The following ANO10 variants were observed in gnomAD, a reference collection of about 807,000 sequenced individuals.
ANO10 encodes anoctamin-10.
In ANO10, 77 loss-of-function variants were observed where a neutral mutation model predicts 74.7. The ratio of observed to expected loss-of-function variants is 1.03; its 90% CI spans 0.86 to 1.25. The LOEUF (loss-of-function observed/expected upper bound fraction) is 1.25. Ranked by LOEUF, ANO10 falls within the 50% of genes most tolerant of loss-of-function variation. The pLI, the probability that ANO10 is intolerant of heterozygous loss-of-function variation, is 0.00. For synonymous variants in ANO10, 279 were observed against 284.9 expected, an observed-to-expected ratio of 0.98 and a Z score of 0.21; for missense variants, 721 against 778.1, an observed-to-expected ratio of 0.93 and a Z score of 0.87.
At chr3:43,470,626 T>TTATG (rs199927611) in intron 11 of ANO10, among the ~76,000 whole-genome samples, 2 of 135,868 alleles carry the variant, frequency 1.5e-5, no homozygotes, top group African/African-American at 5.3e-5. Flanking sequence ...ATTTATTTAT[T>TTATG]TATGTATTTA....
chr3:43,516,895 G>T (rs1390022001), intron 11 of ANO10, among the ~76,000 whole-genome samples: 1 of 152,194 alleles, frequency 6.6e-6, no homozygotes, highest in Non-Finnish European at 1.5e-5. Context: ...TAGGGCTCCA[G>T]GGAGGTGACA....
chr3:43,527,505 A>T (rs1294508296), intron 11 of ANO10, among the ~76,000 whole-genome samples: 5 of 152,190 alleles, frequency 3.3e-5, no homozygotes, highest in Non-Finnish European at 7.4e-5. Flanking sequence ...CTCATAGGAC[A>T]ATGGAGCCGT....
At chr3:43,621,271 T>G (rs2083379152) in intron 1 of ANO10, among the ~76,000 whole-genome samples, 1 of 152,144 alleles carries the variant, frequency 6.6e-6, no homozygotes, top group African/African-American at 2.4e-5. Flanking sequence ...CCCCATTCCA[T>G]CCACGTTTCT....
At chr3:43,413,817 C>T (rs1409265652) in intron 12 of ANO10, among the ~76,000 whole-genome samples, 3 of 151,622 alleles carry the variant, frequency 2.0e-5, no homozygotes, top group Admixed American at 6.6e-5. Context: ...TCTATTTTCA[C>T]CTTGCCTGCT....
At position 43,494,772 on chromosome 3, in the gene ANO10, A is replaced by G. The variant is rs575894345; in HGVS notation, c.1797+54948T>C. 3.9e-5 allele frequency among the ~76,000 whole-genome samples: 6 copies of G among 152,304 alleles called. No individual in the cohort carries two copies. In the South Asian group the frequency reaches 1.2e-3, roughly 32 times the overall value. On this transcript the variant is annotated intron_variant, in intron 11 of 12. Transcript: ENST00000292246. ...TAAAAAATTTTATTGAAGGATATGT[A>G]ATAAGTCATTGACAGAGACAGTGAA...
chr3:43,681,844 A>C (rs1274138078), intron 1 of ANO10, among the ~76,000 whole-genome samples: 3 of 152,244 alleles, frequency 2.0e-5, no homozygotes, highest in Non-Finnish European at 2.9e-5. Context: ...GTACATAACG[A>C]AATGAAGGCA....
At chr3:43,591,068 G>A (rs1002583501) in intron 4 of ANO10, among the ~76,000 whole-genome samples, 6 of 152,140 alleles carry the variant, frequency 3.9e-5, no homozygotes, top group Non-Finnish European at 5.9e-5. Flanking sequence ...AGCAGGGAGC[G>A]GCAACCCCCT....
intron 12 of ANO10, among the ~76,000 whole-genome samples, chr3:43,393,953 C>T (rs1234509527): frequency 6.6e-6 from 1 of 152,100 alleles, no homozygotes; most frequent in Admixed American, 6.5e-5. Context: ...AATTTTTCTG[C>T]CCTATACATA....
chr3:43,610,238 T>C (rs1184287155), intron 1 of ANO10, among the ~76,000 whole-genome samples: 1 of 152,228 alleles, frequency 6.6e-6, no homozygotes, highest in African/African-American at 2.4e-5. Flanking sequence ...CCACGTCTTG[T>C]CTCACAGAAA....
At position 43,577,071 on chromosome 3, in the gene ANO10, C is replaced by A; in HGVS notation, c.783G>T (p.Trp261Cys). ...AGGTCATGTTGGCACAGCCACGCTT[C>A]CACAGTTCCAGAATCACCGTGGACC... ...LIWSTVILEL[W>C]KRGCANMTYR... The change falls in exon 6 of 13, where the codon TGG (tryptophan) becomes TGT (cysteine). Residue 261 changes from tryptophan (W) to cysteine (C), a missense_variant. By Grantham distance (215) the Trp-to-Cys change is radical (BLOSUM62 -2). Transcript: ENST00000292246. The A allele has an allele frequency of 6.2e-7, 1 of 1,614,228 alleles. No individual in the cohort carries two copies.
At chr3:43,450,358 T>C (rs954053557) in intron 11 of ANO10, among the ~76,000 whole-genome samples, 4 of 151,872 alleles carry the variant, frequency 2.6e-5, no homozygotes, top group East Asian at 1.9e-4. Flanking sequence ...CTGGGCAACA[T>C]AGTGAGACCC....
chr3:43,635,619 T>C (rs1033380918), intron 1 of ANO10, among the ~76,000 whole-genome samples: 4 of 151,604 alleles, frequency 2.6e-5, no homozygotes, highest in Admixed American at 1.3e-4. Flanking sequence ...TAAGCTCTGA[T>C]CTTTTTTTTT....
chr3:43,472,184 GA>G (rs1559582786), intron 11 of ANO10, among the ~76,000 whole-genome samples: 1 of 152,162 alleles, frequency 6.6e-6, no homozygotes, highest in African/African-American at 2.4e-5. Flanking sequence ...GATACTCTGA[GA>G]AAGGCAAAAC....
At chr3:43,553,673 T>G (rs936653714) in intron 10 of ANO10, among the ~76,000 whole-genome samples, 55 of 152,012 alleles carry the variant, frequency 3.6e-4, no homozygotes, top group African/African-American at 1.3e-3. Flanking sequence ...GTAGCTGGGA[T>G]TATAAGTGCC....
At chr3:43,602,339 A>AT in intron 2 of ANO10, among the ~76,000 whole-genome samples, 1 of 152,022 alleles carries the variant, frequency 6.6e-6, no homozygotes, top group Non-Finnish European at 1.5e-5. Flanking sequence ...TTATTAATTA[A>AT]TTAATTTATT....
intron 4 of ANO10, among the ~76,000 whole-genome samples, chr3:43,589,298 T>A: frequency 6.6e-6 from 1 of 152,168 alleles, no homozygotes; most frequent in Non-Finnish European, 1.5e-5. Flanking sequence ...CTTAATAAAG[T>A]AGAAGAAATG....
At chr3:43,650,122 C>A (rs552219832) in intron 1 of ANO10, among the ~76,000 whole-genome samples, 29 of 152,304 alleles carry the variant, frequency 1.9e-4, no homozygotes, top group Admixed American at 1.6e-3. Context: ...CCAGAAGAAT[C>A]AGGTGACACA....
At chr3:43,375,512 A>C (rs1309373769) in intron 12 of ANO10, among the ~76,000 whole-genome samples, 1 of 152,106 alleles carries the variant, frequency 6.6e-6, no homozygotes, top group Non-Finnish European at 1.5e-5. Flanking sequence ...TTTTTAAAGA[A>C]AGGCTTCCAA....
intron 12 of ANO10, among the ~76,000 whole-genome samples, chr3:43,393,162 C>A (rs1419998517): frequency 6.6e-6 from 1 of 152,154 alleles, no homozygotes; most frequent in Non-Finnish European, 1.5e-5. Context: ...ATTCTACACT[C>A]ACATAACCAA....
Sources: allele counts gnomAD v4.1 joint callset (sites outside exome capture counted in the v4.1 genomes callset), GRCh38; gene constraint gnomAD v4.1.1; transcripts MANE v1.5; gene names NCBI Gene and HGNC (gene_info 2026-07-23, HGNC 2026-07-21).